ADK: variants seen among roughly 807,000 people sequenced by gnomAD.
ADK encodes the protein adenosine kinase, also known as N6,N6-dimethyladenosine kinase.
A neutral mutation model predicts 44.7 loss-of-function variants in ADK; 24 were observed. That is an observed-to-expected ratio of 0.54 (90% CI 0.39 to 0.76). The LOEUF is 0.76. Among genes scored for constraint, ADK ranks in the 30% least tolerant of loss-of-function variants. The pLI, the probability that ADK is intolerant of heterozygous loss-of-function variation, is 0.00. For missense variants in ADK, 321 were observed against 425.1 expected, an observed-to-expected ratio of 0.76 and a Z score of 2.15; for synonymous variants, 128 against 142.6, an observed-to-expected ratio of 0.90 and a Z score of 0.73.
chr10:74,434,476 G>C (rs1187424835), intron 6 of ADK, among the ~76,000 whole-genome samples: 1 of 152,058 alleles, frequency 6.6e-6, no homozygotes, highest in African/African-American at 2.4e-5. Context: ...TCTAAAATCG[G>C]ACAACAACCT....
intron 10 of ADK, among the ~76,000 whole-genome samples, chr10:74,699,537 T>C (rs1856341052): frequency 6.6e-6 from 1 of 151,896 alleles, no homozygotes; most frequent in Non-Finnish European, 1.5e-5. Context: ...ACTAGCTGGG[T>C]ATAGTGGTGC....
intron 9 of ADK, among the ~76,000 whole-genome samples, chr10:74,628,480 C>G (rs1035645459): frequency 1.3e-5 from 2 of 151,360 alleles, no homozygotes; most frequent in African/African-American, 4.8e-5. Context: ...CTGAAAAAAA[C>G]TTAATCCAGG....
At chr10:74,224,438 G>T in intron 2 of ADK, 100 bp from the exon 3 acceptor site, 4 of 883,244 alleles carry the variant, frequency 4.5e-6, no homozygotes, top group Non-Finnish European at 7.5e-6. Context: ...TTAAGTCAGA[G>T]ACCTATAACA....
At chr10:74,255,694 A>T (rs1228254927) in intron 3 of ADK, among the ~76,000 whole-genome samples, 4 of 152,208 alleles carry the variant, frequency 2.6e-5, no homozygotes, top group African/African-American at 9.6e-5. Context: ...AAGTTAATTT[A>T]TTAGAATTGC....
chr10:74,259,108 C>A (rs1430746570), intron 3 of ADK, among the ~76,000 whole-genome samples: 1 of 151,192 alleles, frequency 6.6e-6, no homozygotes, highest in Admixed American at 6.6e-5. Flanking sequence ...TGTGGCCTAG[C>A]TAATTTTTGT....
At chr10:74,369,401 C>A (rs1418729149) in intron 4 of ADK, among the ~76,000 whole-genome samples, 1 of 152,132 alleles carries the variant, frequency 6.6e-6, no homozygotes, top group Admixed American at 6.6e-5. Context: ...TGTATATTTG[C>A]ATAGTTGATT....
intron 3 of ADK, among the ~76,000 whole-genome samples, chr10:74,236,586 A>G (rs1004093144): frequency 3.9e-5 from 6 of 152,236 alleles, no homozygotes; most frequent in Non-Finnish European, 5.9e-5. Flanking sequence ...GGATAGGCCA[A>G]TTTTATTGGT....
intron 10 of ADK, among the ~76,000 whole-genome samples, chr10:74,687,701 C>A (rs994707183): frequency 3.3e-5 from 5 of 152,178 alleles, no homozygotes; most frequent in African/African-American, 1.2e-4. Flanking sequence ...AGCTAGAAAC[C>A]TAGACGCCCT....
At chr10:74,613,230 G>A (rs760088243) in intron 9 of ADK, among the ~76,000 whole-genome samples, 1 of 152,080 alleles carries the variant, frequency 6.6e-6, no homozygotes, top group Non-Finnish European at 1.5e-5. Flanking sequence ...GGCAAGGGGA[G>A]TGTAGGATTA....
At chr10:74,595,780 T>A (rs1368907744) in intron 8 of ADK, among the ~76,000 whole-genome samples, 2 of 129,204 alleles carry the variant, frequency 1.5e-5, no homozygotes, top group Non-Finnish European at 3.3e-5. Context: ...GTGGATCACC[T>A]GAGGTCAGGA....
chr10:74,276,416 T>A (rs184357823), intron 3 of ADK, among the ~76,000 whole-genome samples: 167 of 152,358 alleles, frequency 1.1e-3, no homozygotes, highest in African/African-American at 3.5e-3. Context: ...AAGCAGCACT[T>A]AACCATTGTA....
At chr10:74,402,753 G>A (rs1281694825) in intron 6 of ADK, among the ~76,000 whole-genome samples, 4 of 152,066 alleles carry the variant, frequency 2.6e-5, no homozygotes, top group Non-Finnish European at 4.4e-5. Context: ...CTCTCAACTC[G>A]TCAAAGTCAT....
At chr10:74,409,921 T>A (rs1844106521) in intron 6 of ADK, among the ~76,000 whole-genome samples, 1 of 152,166 alleles carries the variant, frequency 6.6e-6, no homozygotes, top group Admixed American at 6.5e-5. Context: ...ATGCCATGAG[T>A]AACAATTTTT....
chr10:74,635,971 C>CT (rs1853610257), intron 9 of ADK, among the ~76,000 whole-genome samples: 2 of 151,886 alleles, frequency 1.3e-5, no homozygotes, highest in South Asian at 4.2e-4. Flanking sequence ...GCCTGTAGTC[C>CT]TAGCTACTCA....
At chr10:74,466,670 T>C (rs1846369407) in intron 6 of ADK, among the ~76,000 whole-genome samples, 1 of 152,196 alleles carries the variant, frequency 6.6e-6, no homozygotes, top group South Asian at 2.1e-4. Context: ...TTTATGTTGC[T>C]GAACATTTTT....
intron 4 of ADK, among the ~76,000 whole-genome samples, chr10:74,325,948 G>A (rs985347275): frequency 2.6e-5 from 4 of 151,824 alleles, no homozygotes; most frequent in Admixed American, 6.6e-5. Flanking sequence ...TGATTCTTCC[G>A]CCTCAGCCTC....
At chr10:74,673,014 A>G (rs961916303) in intron 10 of ADK, among the ~76,000 whole-genome samples, 89 of 152,224 alleles carry the variant, frequency 5.8e-4, no homozygotes, top group African/African-American at 2.1e-3. Flanking sequence ...CACCATTAGA[A>G]CTGAGAACCA....
At chr10:74,626,279 T>C (rs1853199013) in intron 9 of ADK, among the ~76,000 whole-genome samples, 2 of 151,746 alleles carry the variant, frequency 1.3e-5, no homozygotes, top group South Asian at 4.2e-4. Flanking sequence ...ACAGTAGAAA[T>C]ATGTCTTCAC....
At chr10:74,209,245 T>C (rs10824112) in intron 2 of ADK, among the ~76,000 whole-genome samples, 31,456 of 152,034 alleles carry the variant, frequency 0.21, 4,417 homozygotes, top group African/African-American at 0.4. Flanking sequence ...ATTCCTTCTG[T>C]CATGTGAGGA....
Sources: gnomAD v4.1 joint callset for allele counts (sites outside exome capture counted in the v4.1 genomes callset) on GRCh38, gnomAD v4.1.1 for gene constraint, MANE v1.5 for transcripts, NCBI Gene and HGNC (gene_info 2026-07-23, HGNC 2026-07-21) for gene names.